LMO7: variants seen among roughly 807,000 people sequenced by gnomAD.
LMO7 encodes LIM domain only protein 7.
LMO7 carries 120 observed loss-of-function variants against 206.5 expected under a neutral mutation model. The observed-to-expected ratio is 0.58, with a 90% CI of 0.50 to 0.68. LMO7 has a LOEUF of 0.68. LMO7 is among the 30% of genes least tolerant of loss of function. The pLI, the probability that LMO7 is intolerant of heterozygous loss-of-function variation, is 0.00. For missense variants in LMO7, 1,959 were observed against 1,957.9 expected, an observed-to-expected ratio of 1.00 and a Z score of -0.01; for synonymous variants, 706 against 681.5, an observed-to-expected ratio of 1.04 and a Z score of -0.56.
At position 75,821,370 on chromosome 13, in the gene LMO7, A is replaced by G. The variant is rs760006861; in HGVS notation, c.2401A>G (p.Arg801Gly). ...PKEDSTTFAK[R>G]EDRVTTEIQL... Reference sequence around the variant, plus strand: ...AGAAGATTCTACCACTTTTGCAAAAAGAGAGGACCGTGTAACAACTGAAAT... The same window carrying G: ...AGAAGATTCTACCACTTTTGCAAAAGGAGAGGACCGTGTAACAACTGAAAT... Residue 801 changes from arginine to glycine, a missense_variant, in exon 14 of 31, where the codon AGA becomes GGA. Physicochemically the swap from Arg to Gly is moderately radical, Grantham distance 125. Transcript: ENST00000377534. The G allele has an allele frequency of 6.2e-6, 10 of 1,614,080 alleles. No individual in the cohort carries two copies. The highest frequency in any genetic ancestry group is 8.5e-6 in the Non-Finnish European group (10 of 1,180,028).
chr13:75,685,151 A>G (rs2040865437), intron 1 of LMO7, among the ~76,000 whole-genome samples: 1 of 152,340 alleles, frequency 6.6e-6, no homozygotes, highest in Admixed American at 6.5e-5. Flanking sequence ...GATAACATGA[A>G]AAGATTTCAC....
At chr13:75,633,952 A>T (rs1462097547), upstream of LMO7, among the ~76,000 whole-genome samples, 1 of 135,886 alleles carries the variant, frequency 7.4e-6, no homozygotes, top group Non-Finnish European at 1.5e-5. Flanking sequence ...GGTTCAAGCG[A>T]TTCTCCTGCC....
chr13:75,849,699 T>C (rs767322788), intron 27 of LMO7, among the ~76,000 whole-genome samples: 1 of 152,158 alleles, frequency 6.6e-6, no homozygotes, highest in Non-Finnish European at 1.5e-5. Context: ...TCTAATGAGA[T>C]AATGATTAGA....
rs1299155018 is a variant in LMO7 at position 75,819,386 on chromosome 13, CT to C, written c.2065-6del. ...GTGTGCCCCTGCTGATGTGATTTTT[CT>C]GTCAGGACCTTGCAAAATGGAAAGA... On this transcript the variant is annotated splice_polypyrimidine_tract_variant and splice_region_variant and intron_variant, in intron 12 of 30. Coordinates refer to ENST00000377534, the MANE Select transcript of LMO7 (RefSeq NM_001306080.2). 6.3e-7 allele frequency: 1 copy of C among 1,587,356 alleles called. No individual in the cohort carries two copies. Among genetic ancestry groups the C allele is most frequent in the African/African-American group, 1.4e-5 (1 of 73,240 alleles).
At chr13:75,701,301 CTT>C (rs1324081537) in intron 1 of LMO7, among the ~76,000 whole-genome samples, 1 of 152,190 alleles carries the variant, frequency 6.6e-6, no homozygotes, top group African/African-American at 2.4e-5. Context: ...TAATACCAAA[CTT>C]AAACTGGATA....
At chr13:75,655,886 T>C (rs1046303356) in intron 1 of LMO7, among the ~76,000 whole-genome samples, 3 of 152,036 alleles carry the variant, frequency 2.0e-5, no homozygotes, top group Non-Finnish European at 4.4e-5. Flanking sequence ...TCATTGCAGC[T>C]CAGGTCCCAT....
chr13:75,655,132 A>G (rs2037931491), intron 1 of LMO7, among the ~76,000 whole-genome samples: 1 of 152,272 alleles, frequency 6.6e-6, no homozygotes, highest in South Asian at 2.1e-4. Context: ...TGGCCTCCCA[A>G]AGTGCTGGGA....
chr13:75,781,978 G>GT, intron 4 of LMO7, among the ~76,000 whole-genome samples: 1 of 152,054 alleles, frequency 6.6e-6, no homozygotes, highest in African/African-American at 2.4e-5. Flanking sequence ...GGGGTTGTTT[G>GT]TTTTTTTCTT....
chr13:75,643,039 A>G (rs1157432084), intron 1 of LMO7, among the ~76,000 whole-genome samples: 2 of 152,226 alleles, frequency 1.3e-5, no homozygotes, highest in African/African-American at 4.8e-5. Context: ...TGTAAAGCAC[A>G]AATCCTTAAA....
chr13:75,666,646 A>C (rs1347906764), intron 1 of LMO7, among the ~76,000 whole-genome samples: 2 of 152,196 alleles, frequency 1.3e-5, no homozygotes, highest in African/African-American at 4.8e-5. Context: ...AGATAATTCC[A>C]CATAAACAAA....
chr13:75,851,336 A>G (rs1165694155), intron 27 of LMO7, among the ~76,000 whole-genome samples: 1 of 152,208 alleles, frequency 6.6e-6, no homozygotes, highest in African/African-American at 2.4e-5. Flanking sequence ...CACATTGCAT[A>G]TGTATATAGA....
intron 4 of LMO7, among the ~76,000 whole-genome samples, chr13:75,775,396 AG>A (rs1324338430): frequency 6.6e-6 from 1 of 152,130 alleles, no homozygotes; most frequent in Non-Finnish European, 1.5e-5. Context: ...ACATTGGTCC[AG>A]GCAAAGAATT....
At chr13:75,823,513 C>A in intron 14 of LMO7, 52 bp from the exon 15 acceptor site, 1 of 1,350,588 alleles carries the variant, frequency 7.4e-7, no homozygotes, top group Non-Finnish European at 1.0e-6. Context: ...CTTTTAAAAA[C>A]AGAAATAAAG....
At chr13:75,840,353 T>C (rs1413450722) in intron 21 of LMO7, 38 bp from the exon 22 acceptor site, 1 of 1,610,228 alleles carries the variant, frequency 6.2e-7, no homozygotes, top group African/African-American at 1.3e-5. Context: ...GAAGTTATGT[T>C]GTTCTCTATT....
intron 2 of LMO7, among the ~76,000 whole-genome samples, chr13:75,726,341 T>C (rs892397305): frequency 6.6e-6 from 1 of 152,078 alleles, no homozygotes. Flanking sequence ...TTCTTTTTTA[T>C]AGAGTTGGCA....
intron 22 of LMO7, 110 bp from the exon 23 acceptor site, chr13:75,840,999 C>T: frequency 1.5e-6 from 1 of 676,930 alleles, no homozygotes; most frequent in South Asian, 2.1e-5. Flanking sequence ...AAATCATGGT[C>T]TTTAAAGGTT....
chr13:75,645,382 C>T (rs2036919837), intron 1 of LMO7, among the ~76,000 whole-genome samples: 1 of 152,064 alleles, frequency 6.6e-6, no homozygotes, highest in Admixed American at 6.6e-5. Flanking sequence ...TCATAACATT[C>T]AAAGGAAGGG....
At chr13:75,833,313 C>T (rs1051970935) in intron 16 of LMO7, 148 bp downstream of exon 16, 6 of 605,698 alleles carry the variant, frequency 9.9e-6, no homozygotes, top group Non-Finnish European at 1.8e-5. Flanking sequence ...ATCCTCTTTC[C>T]TGAGATTATT....
chr13:75,717,231 C>T (rs1358252754), intron 2 of LMO7, among the ~76,000 whole-genome samples: 16 of 151,660 alleles, frequency 1.1e-4, no homozygotes, highest in African/African-American at 2.2e-4. Flanking sequence ...GGTGTGGTGG[C>T]GGGCGCCTGT....
Sources: allele counts gnomAD v4.1 joint callset (sites outside exome capture counted in the v4.1 genomes callset), GRCh38; gene constraint gnomAD v4.1.1; transcripts MANE v1.5; gene names NCBI Gene and HGNC (gene_info 2026-07-23, HGNC 2026-07-21).